Variants in METTL8 observed in about 807,000 individuals in gnomAD.
METTL8 encodes the protein methyltransferase 8, tRNA N3-cytidine, also known as tRNA N(3)-cytidine methyltransferase METTL8, mitochondrial.
In METTL8, 32 loss-of-function variants were observed where a neutral mutation model predicts 48.7. The ratio of observed to expected loss-of-function variants is 0.66; its 90% CI spans 0.50 to 0.88. The LOEUF is 0.88. Among genes scored for constraint, METTL8 ranks in the 40% least tolerant of loss-of-function variants. METTL8 has a pLI of 0.00. For missense variants in METTL8, 464 were observed against 474.4 expected (o/e 0.98, Z 0.20); for synonymous variants, 136 against 157.1 (o/e 0.87, Z 1.01).
At chr2:171,392,273 T>C (rs1446875387) in intron 1 of METTL8, 76 bp from the exon 2 acceptor site, 2 of 1,222,608 alleles carry the variant, frequency 1.6e-6, no homozygotes, top group Non-Finnish European at 2.2e-6. Context: ...AAAACCTGGT[T>C]CTAAAGGTTT....
At chr2:171,421,117 C>T (rs62183464) in intron 1 of METTL8, among the ~76,000 whole-genome samples, 2 of 151,876 alleles carry the variant, frequency 1.3e-5, no homozygotes, top group Admixed American at 6.6e-5. Flanking sequence ...AGTTTCCTAA[C>T]GATATGATTA....
intron 9 of METTL8, 29 bp downstream of exon 9, chr2:171,325,812 C>T: frequency 7.5e-7 from 1 of 1,336,944 alleles, no homozygotes; most frequent in Non-Finnish European, 1.1e-6. Context: ...CGATTATGAC[C>T]AATTATTTCC....
intron 2 of METTL8, among the ~76,000 whole-genome samples, chr2:171,365,487 C>T (rs1168575490): frequency 6.6e-6 from 1 of 152,146 alleles, no homozygotes; most frequent in South Asian, 2.1e-4. Flanking sequence ...AGCTCAGGGC[C>T]GTGAGCAAGC....
rs1684485711 is a variant in METTL8 at position 171,320,731 on chromosome 2, T to G, written c.*3441A>C. 6.6e-6 allele frequency: 1 copy of G among 152,256 alleles called. No homozygotes were observed. Among genetic ancestry groups the G allele is most frequent in the Non-Finnish European group, 1.5e-5 (1 of 68,040 alleles). 9.4% of individuals were successfully genotyped at this position (152,256 alleles called of 1,614,324 possible). ...ATGTTTATATTTACTGACTTATGCA[T>G]GTTTAAACAGAAAGCTTGATAATTG... On this transcript the variant is annotated 3_prime_UTR_variant, in exon 10 of 10. Transcript: ENST00000375258.
At chr2:171,392,298 C>T (rs1688650747) in intron 1 of METTL8, 101 bp from the exon 2 acceptor site, 7 of 895,186 alleles carry the variant, frequency 7.8e-6, no homozygotes, top group Non-Finnish European at 1.1e-5. Context: ...TCTGAGAATG[C>T]ACATGAAAAC....
At position 171,317,902 on chromosome 2, in the gene METTL8, C is replaced by T. The variant is rs937162078; in HGVS notation, c.*6270G>A. Reference sequence around the variant, plus strand: ...AGATGATGCTCAAGGGAGCTGTGCTCTGCAGCCTCCTGGGTCCCTTCTGCA... The same window carrying T: ...AGATGATGCTCAAGGGAGCTGTGCTTTGCAGCCTCCTGGGTCCCTTCTGCA... On this transcript the variant is annotated 3_prime_UTR_variant, in exon 10 of 10. Coordinates refer to ENST00000375258, the MANE Select transcript of METTL8 (RefSeq NM_001321154.2). The T allele has an allele frequency of 1.3e-5, 2 of 152,238 alleles. No individual in the cohort carries two copies. Among genetic ancestry groups the T allele is most frequent in the African/African-American group, 4.8e-5 (2 of 41,456 alleles). 9.4% of individuals were successfully genotyped at this position (152,238 alleles called of 1,614,324 possible). A position where few individuals can be genotyped will look rare whatever the true frequency, so the allele number is the denominator to read the frequency against.
intron 1 of METTL8, among the ~76,000 whole-genome samples, chr2:171,412,187 G>A (rs1489680907): frequency 6.6e-6 from 1 of 152,132 alleles, no homozygotes; most frequent in Non-Finnish European, 1.5e-5. Flanking sequence ...CAATGTCATC[G>A]AGGATCCAGG....
chr2:171,429,471 T>G (rs1656096398), intron 1 of METTL8, among the ~76,000 whole-genome samples: 1 of 152,208 alleles, frequency 6.6e-6, no homozygotes. Flanking sequence ...CAGAGGACAT[T>G]CATGATTAGA....
rs920630455 is a variant in METTL8 at position 171,318,225 on chromosome 2, T to A, written c.*5947A>T. On this transcript the variant is annotated 3_prime_UTR_variant, in exon 10 of 10. Coordinates refer to ENST00000375258, the MANE Select transcript of METTL8 (RefSeq NM_001321154.2). Reference sequence around the variant, plus strand: ...AACTACACCAAAGCCATCTTGCGGGTACCTTTGCGCCTCTCAAATCCCCAA... The same window carrying A: ...AACTACACCAAAGCCATCTTGCGGGAACCTTTGCGCCTCTCAAATCCCCAA... The A allele has an allele frequency of 6.6e-6, 1 of 152,212 alleles. No individual in the cohort carries two copies. Among genetic ancestry groups the A allele is most frequent in the Non-Finnish European group, 1.5e-5 (1 of 68,026 alleles). 9.4% of individuals were successfully genotyped at this position (152,212 alleles called of 1,614,324 possible).
At position 171,392,329 on chromosome 2, in the gene METTL8, A is replaced by G. The variant is rs1688653383; in HGVS notation, c.-12-132T>C. 2.8e-5 allele frequency: 19 copies of G among 670,126 alleles called. 1 individual carries two copies. In the South Asian group the frequency reaches 4.4e-4, roughly 15 times the overall value. 41.5% of individuals were successfully genotyped at this position (670,126 alleles called of 1,614,324 possible). On this transcript the variant is annotated intron_variant, in intron 1 of 9. Transcript: ENST00000375258. The stretch of plus-strand genomic sequence containing the variant: ...AAAACTAGAAACTTTTTAATGAAAG[A>G]TGAGCATAACAGCTTCTCTCCTGAA...
At chr2:171,424,819 T>C (rs1273736749) in intron 1 of METTL8, among the ~76,000 whole-genome samples, 3 of 152,130 alleles carry the variant, frequency 2.0e-5, no homozygotes, top group East Asian at 3.8e-4. Flanking sequence ...TGGAAGGACA[T>C]GATTGTGTTC....
chr2:171,330,799 A>G, intron 6 of METTL8, 101 bp from the exon 7 acceptor site: 1 of 928,564 alleles, frequency 1.1e-6, no homozygotes, highest in Admixed American at 2.7e-5. Context: ...CTTTTCTCCC[A>G]AAAGCCTTTC....
intron 1 of METTL8, among the ~76,000 whole-genome samples, chr2:171,432,094 G>A (rs928061810): frequency 4.6e-5 from 7 of 152,192 alleles, no homozygotes; most frequent in Admixed American, 3.3e-4. Context: ...GTGGCCACAG[G>A]ATCCACACCT....
At chr2:171,354,380 C>G (rs1575811508) in intron 3 of METTL8, among the ~76,000 whole-genome samples, 1 of 152,284 alleles carries the variant, frequency 6.6e-6, no homozygotes, top group Non-Finnish European at 1.5e-5. Flanking sequence ...TTCTCTCTGG[C>G]TGCCCTTAAC....
chr2:171,330,769 A>G, intron 6 of METTL8, 71 bp from the exon 7 acceptor site: 1 of 1,295,694 alleles, frequency 7.7e-7, no homozygotes, highest in Non-Finnish European at 1.1e-6. Context: ...TTTTTTAAAT[A>G]AAAAGGTCAA....
In METTL8 at chr2:171,360,636, A is replaced by G. The variant is rs1685066363; in HGVS notation, c.144-123T>C. On this transcript the variant is annotated intron_variant, in intron 2 of 9. Transcript: ENST00000375258. Reference sequence around the variant, plus strand: ...GACATATGATACAGACTAATTCCACATGGAATGAATACATTTTGTGTAAGA... The same window carrying G: ...GACATATGATACAGACTAATTCCACGTGGAATGAATACATTTTGTGTAAGA... The G allele has an allele frequency of 4.1e-6, 3 of 736,698 alleles. No homozygotes were observed. The South Asian group carries it at 5.6e-5, about 14-fold the overall frequency. 45.6% of individuals were successfully genotyped at this position (736,698 alleles called of 1,614,324 possible). A position where few individuals can be genotyped will look rare whatever the true frequency, so the allele number is the denominator to read the frequency against.
intron 1 of METTL8, among the ~76,000 whole-genome samples, chr2:171,429,965 G>A (rs745434694): frequency 1.3e-5 from 2 of 151,000 alleles, no homozygotes; most frequent in African/African-American, 2.4e-5. Flanking sequence ...ACTTGAACCC[G>A]GGAAGCAGAG....
chr2:171,337,473 A>T lies in METTL8; in HGVS notation c.636T>A (p.Phe212Leu). 1 of 1,606,080 alleles carries T rather than the reference A, an allele frequency of 6.2e-7. No homozygotes were observed. The highest frequency in any genetic ancestry group is 1.3e-5 in the African/African-American group (1 of 74,850). The change falls in exon 5 of 10, where the codon TTT (phenylalanine) becomes TTA (leucine). Residue 212 changes from phenylalanine to leucine, a missense_variant. Phe to Leu is a conservative substitution (Grantham distance 22). Coordinates refer to ENST00000375258, the MANE Select transcript of METTL8 (RefSeq NM_001321154.2). ...EVGCGAGNSV[F>L]PILNTLENSP... ...CTCACTCCAAAGTGTTCAAAATTGG[A>T]AACACACTATTTCCAGCTCCACAAC...
rs570787675 is a variant in METTL8, at chr2:171,347,135, G to T, written c.236-7581C>A. Among the ~76,000 whole-genome samples the T allele has an allele frequency of 2.0e-5, 3 of 152,328 alleles. No individual in the cohort carries two copies. In the South Asian group the frequency reaches 6.2e-4, roughly 32 times the overall value. ...GGGATGCAGAAGGGACCTAGCAGAA[G>T]CCTTTATCTCTTTGAGTCATTTTGA... On this transcript the variant is annotated intron_variant, in intron 3 of 9. Coordinates refer to ENST00000375258, the MANE Select transcript of METTL8 (RefSeq NM_001321154.2).
Sources: gnomAD v4.1 joint callset for allele counts (sites outside exome capture counted in the v4.1 genomes callset) on GRCh38, gnomAD v4.1.1 for gene constraint, MANE v1.5 for transcripts, NCBI Gene and HGNC (gene_info 2026-07-23, HGNC 2026-07-21) for gene names.